BLK: variants seen among roughly 807,000 people sequenced by gnomAD.
BLK encodes tyrosine-protein kinase Blk.
A neutral mutation model predicts 61.8 loss-of-function variants in BLK; 64 were observed. The ratio of observed to expected loss-of-function variants is 1.03; its 90% CI spans 0.85 to 1.27. BLK has a LOEUF of 1.27. Among genes scored for constraint, BLK ranks in the 50% most tolerant of loss-of-function variants. The pLI is 0.00. For synonymous variants in BLK, 351 were observed against 272.0 expected (o/e 1.29, Z -2.86); for missense variants, 853 against 660.5 (o/e 1.29, Z -3.19).
At chr8:11,502,286 T>C (rs992265251) in intron 1 of BLK, among the ~76,000 whole-genome samples, 1 of 146,930 alleles carries the variant, frequency 6.8e-6, no homozygotes, top group Non-Finnish European at 1.5e-5. Flanking sequence ...TTTTATATAG[T>C]TTTTTTTTCT....
At chr8:11,507,867 A>G (rs1798840400) in intron 1 of BLK, among the ~76,000 whole-genome samples, 1 of 152,172 alleles carries the variant, frequency 6.6e-6, no homozygotes, top group Admixed American at 6.5e-5. Flanking sequence ...ACACGTGAGC[A>G]CTGGCCTTGC....
At chr8:11,556,619 T>A in intron 8 of BLK, 39 bp from the exon 9 acceptor site, 3 of 1,613,786 alleles carry the variant, frequency 1.9e-6, no homozygotes, top group Non-Finnish European at 2.5e-6. Context: ...GAGCAAGCTC[T>A]CTGTCTTCTG....
Position 11,502,534 on chromosome 8 carries a change from C to G in BLK, c.-2+7943C>G, listed in dbSNP as rs543895988. On this transcript the variant is annotated intron_variant, in intron 1 of 12. Coordinates refer to ENST00000259089, the MANE Select transcript of BLK (RefSeq NM_001715.3). The stretch of plus-strand genomic sequence containing the variant: ...AACTCCTGACCTCAAGTGATCTGCC[C>G]AGTTCGGCCTCCCAAACTGCTGGGA... 5.9e-5 allele frequency among the ~76,000 whole-genome samples: 9 copies of G among 152,266 alleles called. No individual in the cohort carries two copies. The South Asian group carries it at 1.9e-3, about 32-fold the overall frequency.
chr8:11,561,436 A>G lies in BLK; in HGVS notation c.1164A>G (p.Glu388=), dbSNP rs1301794602. 2 of 1,613,982 alleles carry G rather than the reference A, an allele frequency of 1.2e-6. No homozygotes were observed. Residue 388 remains glutamate (E), a synonymous_variant, in exon 11 of 13, where the codon GAA becomes GAG. Transcript: ENST00000259089. ...DFGLARIIDS[E]YTAQEGAKFP... is the part of the protein sequence containing the mutation. ...GCTTGGCTCGAATCATCGACAGTGA[A>G]TACACGGCCCAAGAGGGTAAGCACA...
Position 11,546,001 on chromosome 8 carries a change from C to T in BLK, c.124-51C>T, listed in dbSNP as rs779948480. ...CTCAGCAGTCTCAACCCCCAGGCCC[C>T]ACCCACGCAGCAGGGACTGAAATAA... On this transcript the variant is annotated intron_variant, in intron 2 of 12. Transcript: ENST00000259089. The T allele has an allele frequency of 1.9e-5, 30 of 1,593,468 alleles. No individual in the cohort carries two copies. In the South Asian group the frequency reaches 2.2e-4, roughly 12 times the overall value.
Position 11,564,523 on chromosome 8 carries a change from G to A in BLK, c.*415G>A. On this transcript the variant is annotated 3_prime_UTR_variant, in exon 13 of 13. Transcript: ENST00000259089. ...AGAAGCCAGACTGGGTCCCGCGGAC[G>A]CCAGCAGGGGCAGCCCCAGCCTAGG... 4.1e-6 allele frequency: 2 copies of A among 487,892 alleles called. No individual in the cohort carries two copies. The highest frequency in any genetic ancestry group is 1.2e-4 in the East Asian group (2 of 16,946). The allele number at this position is 487,892 out of a possible 1,614,324, so 30.2% of individuals were successfully genotyped here.
chr8:11,556,778 G>T lies in BLK; in HGVS notation c.893G>T (p.Arg298Leu). ...GCTCTGCAGCACGAGCGGCTGGTCCGACTCTACGCAGTGGTCACCAAGGAG... is the reference window on the plus strand; with the variant it reads ...GCTCTGCAGCACGAGCGGCTGGTCCTACTCTACGCAGTGGTCACCAAGGAG... ...MKALQHERLV[R>L]LYAVVTKEPI... is the part of the protein sequence containing the mutation. The change falls in exon 9 of 13, where the codon CGA (arginine) becomes CTA (leucine). Residue 298 changes from arginine to leucine, a missense_variant. Physicochemically the swap from Arg to Leu is moderately radical, Grantham distance 102. Coordinates refer to ENST00000259089, the MANE Select transcript of BLK (RefSeq NM_001715.3). 1 of 1,614,196 alleles carries T rather than the reference G, an allele frequency of 6.2e-7. No homozygotes were observed. Among genetic ancestry groups the T allele is most frequent in the South Asian group, 1.1e-5 (1 of 91,080 alleles).
intron 5 of BLK, among the ~76,000 whole-genome samples, chr8:11,549,642 G>A (rs1171559626): frequency 6.6e-6 from 1 of 152,216 alleles, no homozygotes; most frequent in Non-Finnish European, 1.5e-5. Flanking sequence ...AGCTCTGCCT[G>A]AGGACTGAGG....
intron 2 of BLK, 146 bp downstream of exon 2, chr8:11,543,493 A>G: frequency 4.2e-6 from 5 of 1,194,596 alleles, no homozygotes; most frequent in Non-Finnish European, 5.9e-6. Flanking sequence ...GCCATGCAAT[A>G]TAACACGCAC....
chr8:11,504,895 G>A (rs1439615326), intron 1 of BLK, among the ~76,000 whole-genome samples: 1 of 152,196 alleles, frequency 6.6e-6, no homozygotes, highest in Non-Finnish European at 1.5e-5. Context: ...CTGTGGCCAT[G>A]TTTCAGGCAA....
chr8:11,533,916 T>G (rs1800004707), intron 1 of BLK, among the ~76,000 whole-genome samples: 1 of 152,256 alleles, frequency 6.6e-6, no homozygotes. Flanking sequence ...AGGCATTATT[T>G]ATGGGAGACT....
chr8:11,509,825 T>A (rs1184403583), intron 1 of BLK: 1 of 152,236 alleles, frequency 6.6e-6, no homozygotes, highest in Non-Finnish European at 1.5e-5. Flanking sequence ...CTAACACTTT[T>A]ACCTAAGAGC....
At chr8:11,548,426 G>A (rs1447855295) in intron 4 of BLK, among the ~76,000 whole-genome samples, 1 of 152,170 alleles carries the variant, frequency 6.6e-6, no homozygotes, top group Non-Finnish European at 1.5e-5. Flanking sequence ...CTTTATGCAG[G>A]CTGGTCTGGC....
At chr8:11,542,088 T>G (rs1452950517) in intron 1 of BLK, among the ~76,000 whole-genome samples, 5 of 152,186 alleles carry the variant, frequency 3.3e-5, no homozygotes, top group Non-Finnish European at 2.9e-5. Flanking sequence ...TGAGGAGCAA[T>G]GACATGAGGA....
At chr8:11,562,790 G>A (rs1184205042) in intron 11 of BLK, among the ~76,000 whole-genome samples, 189 bp from the exon 12 acceptor site, 1 of 152,212 alleles carries the variant, frequency 6.6e-6, no homozygotes, top group South Asian at 2.1e-4. Context: ...CTGATGTCGT[G>A]TCTGCACTCA....
chr8:11,512,386 C>G (rs185808476), intron 1 of BLK, among the ~76,000 whole-genome samples: 51 of 152,326 alleles, frequency 3.3e-4, no homozygotes, highest in African/African-American at 1.1e-3. Flanking sequence ...TCATCCTAAA[C>G]CCCACCCTGA....
At chr8:11,553,357 G>C in intron 6 of BLK, 1 of 448,604 alleles carries the variant, frequency 2.2e-6, no homozygotes, top group African/African-American at 2.0e-5. Flanking sequence ...GCCCAGGGCA[G>C]TCCAGACATA....
intron 8 of BLK, 53 bp downstream of exon 8, chr8:11,555,537 A>G (rs1801167784): frequency 1.2e-6 from 2 of 1,611,978 alleles, no homozygotes; most frequent in African/African-American, 1.3e-5. Flanking sequence ...CCTGCGCCGC[A>G]TCCTGAGTCC....
intron 1 of BLK, among the ~76,000 whole-genome samples, chr8:11,507,931 C>A (rs1353581075): frequency 6.6e-6 from 1 of 152,120 alleles, no homozygotes; most frequent in Non-Finnish European, 1.5e-5. Flanking sequence ...CACTGCTAAT[C>A]GGGGGTAGAG....
Sources: allele counts gnomAD v4.1 joint callset (sites outside exome capture counted in the v4.1 genomes callset), GRCh38; gene constraint gnomAD v4.1.1; transcripts MANE v1.5; gene names NCBI Gene and HGNC (gene_info 2026-07-23, HGNC 2026-07-21).